Variants in ITGA9 observed in about 807,000 individuals in gnomAD.
ITGA9 encodes integrin alpha-9.
A neutral mutation model predicts 127.8 loss-of-function variants in ITGA9; 56 were observed. The ratio of observed to expected loss-of-function variants is 0.44; its 90% confidence interval spans 0.35 to 0.55. The LOEUF is 0.55. Ranked by LOEUF, ITGA9 falls within the 20% of genes least tolerant of loss-of-function variation. The probability of loss-of-function intolerance (pLI) is 0.00; values close to 1 mark genes in which losing one functional copy is unlikely to be tolerated. For synonymous variants in ITGA9, 508 were observed against 514.5 expected (o/e 0.99, Z 0.17); for missense variants, 1,196 against 1,347.1 (o/e 0.89, Z 1.76).
At chr3:37,542,323 T>C in intron 14 of ITGA9, 102 bp from the exon 15 acceptor site, 1 of 1,223,834 alleles carries the variant, frequency 8.2e-7, no homozygotes, top group Non-Finnish European at 1.2e-6. Flanking sequence ...GAAGGGTAGG[T>C]ATCATATGAG....
Position 37,791,878 on chromosome 3 carries a change from T to C in ITGA9, c.2889+6800T>C, listed in dbSNP as rs185081871. Among the ~76,000 whole-genome samples the C allele has an allele frequency of 8.3e-4, 127 of 152,352 alleles. No homozygotes were observed. The South Asian group carries it at 0.024, about 29-fold the overall frequency. ...CTTACCATTCCTTTGGTGTACTGCTTCTAGAGGCAAAGTTTACTGCTTTTA... is the reference window on the plus strand; with the variant it reads ...CTTACCATTCCTTTGGTGTACTGCTCCTAGAGGCAAAGTTTACTGCTTTTA... On this transcript the variant is annotated intron_variant, in intron 26 of 27. Transcript: ENST00000264741.
chr3:37,763,938 A>G (rs1696750223), intron 23 of ITGA9, among the ~76,000 whole-genome samples: 1 of 152,146 alleles, frequency 6.6e-6, no homozygotes, highest in Non-Finnish European at 1.5e-5. Flanking sequence ...CCTCTCATGT[A>G]GGAAGAGGTG....
intron 17 of ITGA9, among the ~76,000 whole-genome samples, chr3:37,665,567 A>G (rs983769757): frequency 6.7e-6 from 1 of 150,262 alleles, no homozygotes; most frequent in African/African-American, 2.5e-5. Context: ...CTCCTGCCTC[A>G]CTCAGCCTCC....
At chr3:37,772,363 G>A (rs1026952259) in intron 23 of ITGA9, among the ~76,000 whole-genome samples, 27 of 151,746 alleles carry the variant, frequency 1.8e-4, no homozygotes, top group Admixed American at 1.7e-3. Flanking sequence ...AGCCAAGATC[G>A]CACCACTGCA....
intron 4 of ITGA9, among the ~76,000 whole-genome samples, chr3:37,489,105 C>G (rs1698640703): frequency 6.6e-6 from 1 of 152,212 alleles, no homozygotes; most frequent in Admixed American, 6.5e-5. Context: ...GCTTGTTTCA[C>G]TTAGCATAAT....
At chr3:37,617,635 C>T (rs1228905715) in intron 15 of ITGA9, among the ~76,000 whole-genome samples, 5 of 152,184 alleles carry the variant, frequency 3.3e-5, no homozygotes, top group African/African-American at 1.2e-4. Flanking sequence ...CACATAGTCC[C>T]ATATTTCTTG....
rs559632625 is a variant in ITGA9 at position 37,452,804 on chromosome 3, G to T, written c.185+245G>T. On this transcript the variant is annotated intron_variant, in intron 1 of 27. Coordinates refer to ENST00000264741, the MANE Select transcript of ITGA9 (RefSeq NM_002207.3). This position sits in a 1 kb window ranked among gnomAD's most constrained non-coding sequence, Gnocchi z 7.3. ...GGGGGCGTCCGGGTGCCTCCCTGGG[G>T]TCCCAGCCCAGAGCGTGGGGGGAGA... is the stretch of plus-strand genomic sequence containing the variant. Among the ~76,000 whole-genome samples the T allele has an allele frequency of 6.6e-6, 1 of 152,150 alleles. No homozygotes were observed.
At chr3:37,748,704 G>A (rs1696539782) in intron 22 of ITGA9, 4 of 549,758 alleles carry the variant, frequency 7.3e-6, no homozygotes, top group Middle Eastern at 5.2e-4. Context: ...GCCGAGGTTG[G>A]CCCACTGCAC....
At chr3:37,576,820 T>C (rs1378350373) in intron 15 of ITGA9, among the ~76,000 whole-genome samples, 1 of 152,220 alleles carries the variant, frequency 6.6e-6, no homozygotes, top group Non-Finnish European at 1.5e-5. Context: ...TTGCTCAGGC[T>C]GGTGTCGAAC....
At chr3:37,535,791 T>C (rs1699202070) in intron 14 of ITGA9, among the ~76,000 whole-genome samples, 1 of 152,232 alleles carries the variant, frequency 6.6e-6, no homozygotes, top group Admixed American at 6.5e-5. Flanking sequence ...AGAATTTTGA[T>C]ATCTCAATAT....
intron 23 of ITGA9, among the ~76,000 whole-genome samples, chr3:37,770,772 G>A (rs2685099): frequency 0.31 from 46,910 of 152,054 alleles, 7,485 homozygotes; most frequent in Middle Eastern, 0.43. Context: ...GCACCGTGGT[G>A]GCTTCTGACC....
At chr3:37,603,730 A>G (rs1253195899) in intron 15 of ITGA9, among the ~76,000 whole-genome samples, 3 of 152,244 alleles carry the variant, frequency 2.0e-5, no homozygotes, top group Admixed American at 1.3e-4. Context: ...AGACATCATC[A>G]TGAGATGTAA....
intron 15 of ITGA9, among the ~76,000 whole-genome samples, chr3:37,556,953 G>A (rs1423752548): frequency 6.6e-6 from 1 of 152,174 alleles, no homozygotes; most frequent in Non-Finnish European, 1.5e-5. Context: ...CTTATAGGAG[G>A]GTGGTGTGGG....
At chr3:37,660,330 A>T (rs1700521537) in intron 17 of ITGA9, among the ~76,000 whole-genome samples, 1 of 152,214 alleles carries the variant, frequency 6.6e-6, no homozygotes, top group South Asian at 2.1e-4. Context: ...CAGACTGGAA[A>T]TGCTGGAAAT....
chr3:37,785,238 C>G (rs1219970108), intron 26 of ITGA9, among the ~76,000 whole-genome samples, 160 bp downstream of exon 26: 1 of 152,190 alleles, frequency 6.6e-6, no homozygotes, highest in Non-Finnish European at 1.5e-5. Context: ...CCAGGCCCCC[C>G]CTGGAGAACT....
At chr3:37,735,133 C>T (rs1368193740) in intron 19 of ITGA9, among the ~76,000 whole-genome samples, 1 of 152,236 alleles carries the variant, frequency 6.6e-6, no homozygotes, top group African/African-American at 2.4e-5. Context: ...ACAGCCTGCC[C>T]AGTTTCTGAC....
chr3:37,792,994 G>A (rs1474122294), intron 26 of ITGA9, among the ~76,000 whole-genome samples: 1 of 152,106 alleles, frequency 6.6e-6, no homozygotes, highest in Non-Finnish European at 1.5e-5. Flanking sequence ...GGCTGTCATT[G>A]CATAAAGAGA....
In ITGA9 at chr3:37,597,389, A is replaced by G. The variant is rs1220495563; in HGVS notation, c.1690-31798A>G. Among the ~76,000 whole-genome samples the G allele has an allele frequency of 6.6e-6, 1 of 152,064 alleles. No homozygotes were observed. The highest frequency in any genetic ancestry group is 1.5e-5 in the Non-Finnish European group (1 of 68,026). On this transcript the variant is annotated intron_variant, in intron 15 of 27. Coordinates refer to ENST00000264741, the MANE Select transcript of ITGA9 (RefSeq NM_002207.3). This position sits in a 1 kb window ranked among gnomAD's most constrained non-coding sequence, Gnocchi z 4.6. ...CCAAGCTGCAGGATAGGTGACAGAT[A>G]TGAAACGATAAATGTGGAGGCAGGG...
At chr3:37,753,152 G>C (rs1434964981) in intron 23 of ITGA9, among the ~76,000 whole-genome samples, 1 of 152,180 alleles carries the variant, frequency 6.6e-6, no homozygotes, top group Non-Finnish European at 1.5e-5. Flanking sequence ...GAAAATAATA[G>C]AGGGGAAGAA....
Sources: allele counts gnomAD v4.1 joint callset (sites outside exome capture counted in the v4.1 genomes callset), GRCh38; gene constraint gnomAD v4.1.1; non-coding constraint Gnocchi (gnomAD v3.1); transcripts MANE v1.5; gene names NCBI Gene and HGNC (gene_info 2026-07-23, HGNC 2026-07-21).